PLD1: variants seen among roughly 807,000 people sequenced by gnomAD.
PLD1 encodes choline phosphatase 1.
A neutral mutation model predicts 137.1 loss-of-function variants in PLD1; 112 were observed. The observed-to-expected ratio is 0.82, with a 90% CI of 0.70 to 0.96. PLD1 has a LOEUF of 0.96. PLD1 is among the 40% of genes least tolerant of loss of function. PLD1 has a pLI of 0.00. For synonymous variants in PLD1, 431 were observed against 454.7 expected (o/e 0.95, Z 0.66); for missense variants, 1,321 against 1,342.0 (o/e 0.98, Z 0.24).
intron 1 of PLD1, among the ~76,000 whole-genome samples, chr3:171,805,294 G>C (rs960437374): frequency 6.6e-6 from 1 of 152,148 alleles, no homozygotes; most frequent in East Asian, 1.9e-4. Context: ...TGAGGGTCAC[G>C]GGCATTAGGA....
At chr3:171,685,617 C>T (rs752078899) in intron 16 of PLD1, among the ~76,000 whole-genome samples, 3 of 152,294 alleles carry the variant, frequency 2.0e-5, no homozygotes, top group South Asian at 2.1e-4. Context: ...TAAATGTTAG[C>T]TTATGATCTT....
intron 6 of PLD1, among the ~76,000 whole-genome samples, chr3:171,727,106 AT>A (rs1174964468): frequency 2.6e-5 from 4 of 152,016 alleles, no homozygotes; most frequent in African/African-American, 9.7e-5. Context: ...TATTCTTTTG[AT>A]TTTTTTTCAA....
At chr3:171,769,165 T>C (rs1578449139) in intron 1 of PLD1, among the ~76,000 whole-genome samples, 1 of 152,354 alleles carries the variant, frequency 6.6e-6, no homozygotes, top group African/African-American at 2.4e-5. Flanking sequence ...GTTTCCCTCT[T>C]ATCTAATCCT....
At chr3:171,702,123 A>G (rs907175083) in intron 11 of PLD1, among the ~76,000 whole-genome samples, 1 of 152,216 alleles carries the variant, frequency 6.6e-6, no homozygotes, top group African/African-American at 2.4e-5. Flanking sequence ...AGAAAATTCA[A>G]TGAAACTAGA....
chr3:171,772,842 CA>C (rs1560296114), intron 1 of PLD1, among the ~76,000 whole-genome samples: 2 of 151,938 alleles, frequency 1.3e-5, no homozygotes, highest in Admixed American at 6.6e-5. Flanking sequence ...AATGCTCATG[CA>C]AAAAAAGTAG....
chr3:171,728,568 C>CTATA (rs1718707820), intron 6 of PLD1, among the ~76,000 whole-genome samples: 1 of 152,140 alleles, frequency 6.6e-6, no homozygotes, highest in Non-Finnish European at 1.5e-5. Context: ...CATTTGAAGA[C>CTATA]TATAGTCTAC....
chr3:171,805,295 G>A (rs1387874823), intron 1 of PLD1, among the ~76,000 whole-genome samples: 1 of 152,142 alleles, frequency 6.6e-6, no homozygotes, highest in Non-Finnish European at 1.5e-5. Context: ...GAGGGTCACG[G>A]GCATTAGGAG....
At chr3:171,729,398 C>A (rs190151736) in intron 6 of PLD1, among the ~76,000 whole-genome samples, 19 of 152,264 alleles carry the variant, frequency 1.2e-4, no homozygotes, top group Middle Eastern at 3.4e-3. Context: ...TGCCAAGAGA[C>A]AAGCAACAAG....
chr3:171,631,785 A>C (rs1308630144), intron 23 of PLD1, among the ~76,000 whole-genome samples: 3 of 152,176 alleles, frequency 2.0e-5, no homozygotes, highest in Non-Finnish European at 4.4e-5. Flanking sequence ...ATAAATACAT[A>C]AATGGGGAAA....
rs953151672 is a variant in PLD1 at position 171,746,873 on chromosome 3, C to T, written c.-31-8791G>A. 5.3e-5 allele frequency among the ~76,000 whole-genome samples: 8 copies of T among 152,196 alleles called. No individual in the cohort carries two copies. In the East Asian group the frequency reaches 1.2e-3, roughly 22 times the overall value. ...AGCACTGGCAACCAGCTGGGGCCCCCTTCAATACGGTGGAAGGTTTGTTCT... is the reference window on the plus strand; with the variant it reads ...AGCACTGGCAACCAGCTGGGGCCCCTTTCAATACGGTGGAAGGTTTGTTCT... On this transcript the variant is annotated intron_variant, in intron 1 of 26. Coordinates refer to ENST00000351298, the MANE Select transcript of PLD1 (RefSeq NM_002662.5).
At chr3:171,637,462 T>C (rs1735232103) in intron 23 of PLD1, among the ~76,000 whole-genome samples, 1 of 152,090 alleles carries the variant, frequency 6.6e-6, no homozygotes, top group African/African-American at 2.4e-5. Context: ...CTCGATCTCT[T>C]GACCTCGTGA....
chr3:171,633,379 A>G (rs759555675), intron 23 of PLD1, among the ~76,000 whole-genome samples: 10 of 152,176 alleles, frequency 6.6e-5, no homozygotes, highest in Non-Finnish European at 1.0e-4. Context: ...AAGAGTCCCA[A>G]ATTACATAAT....
intron 1 of PLD1, among the ~76,000 whole-genome samples, chr3:171,803,729 G>C (rs1362472761): frequency 1.3e-5 from 2 of 152,050 alleles, no homozygotes; most frequent in African/African-American, 4.8e-5. Flanking sequence ...GTGAAATTCT[G>C]TCTCAAAAAA....
intron 1 of PLD1, among the ~76,000 whole-genome samples, chr3:171,773,660 G>A (rs1354464589): frequency 6.6e-6 from 1 of 152,164 alleles, no homozygotes; most frequent in Non-Finnish European, 1.5e-5. Context: ...TATTATATAA[G>A]CTCTTCCGAT....
At chr3:171,680,766 C>T (rs1018381444) in intron 16 of PLD1, among the ~76,000 whole-genome samples, 1 of 152,178 alleles carries the variant, frequency 6.6e-6, no homozygotes. Context: ...ACCTCGGAAT[C>T]ACCTTTGGCT....
intron 1 of PLD1, among the ~76,000 whole-genome samples, chr3:171,803,273 C>T (rs1723715937): frequency 6.6e-6 from 1 of 152,172 alleles, no homozygotes. Flanking sequence ...ATTCCTTTCT[C>T]CCCAACCACA....
At chr3:171,736,828 G>A (rs891354527) in intron 3 of PLD1, among the ~76,000 whole-genome samples, 5 of 152,208 alleles carry the variant, frequency 3.3e-5, no homozygotes, top group Non-Finnish European at 7.3e-5. Flanking sequence ...CTCCCCCGGA[G>A]ACTTAACAAC....
In PLD1 at chr3:171,737,588, C is replaced by T. The variant is rs1479936828; in HGVS notation, c.232G>A (p.Gly78Ser). 28 of 1,612,172 alleles carry T rather than the reference C, an allele frequency of 1.7e-5. No individual in the cohort carries two copies. Among genetic ancestry groups the T allele is most frequent in the Non-Finnish European group, 2.3e-5 (27 of 1,178,808 alleles). The change falls in exon 3 of 27, where the codon GGC becomes AGC. Residue 78 changes from glycine to serine, a missense_variant. Transcript: ENST00000351298. ...KEPNIQTYLS[G>S]CPIKAQVLEV... ...AGAACTTGTGCTTTTATTGGACAGC[C>T]GGAGAGATACGTCTGTATATTAGGC...
intron 19 of PLD1, among the ~76,000 whole-genome samples, chr3:171,666,481 G>T (rs997143273): frequency 6.6e-6 from 1 of 152,220 alleles, no homozygotes; most frequent in African/African-American, 2.4e-5. Context: ...ACATGTGGGG[G>T]ATTATTACAA....
Sources: allele counts gnomAD v4.1 joint callset (sites outside exome capture counted in the v4.1 genomes callset), GRCh38; gene constraint gnomAD v4.1.1; transcripts MANE v1.5; gene names NCBI Gene and HGNC (gene_info 2026-07-23, HGNC 2026-07-21).